The following GABRB3 variants were observed in gnomAD, a reference collection of about 807,000 sequenced individuals.
GABRB3 encodes gamma-aminobutyric acid type A receptor subunit beta3.
In GABRB3, 14 loss-of-function variants were observed where a neutral mutation model predicts 52.1. The observed-to-expected ratio is 0.27, with a 90% CI of 0.18 to 0.42. GABRB3 has a LOEUF of 0.42. Ranked by LOEUF, GABRB3 falls within the 10% of genes least tolerant of loss-of-function variation. GABRB3 has a pLI of 1.00. For synonymous variants in GABRB3, 260 were observed against 232.3 expected, an observed-to-expected ratio of 1.12 and a Z score of -1.08; for missense variants, 307 against 609.1, an observed-to-expected ratio of 0.50 and a Z score of 5.22.
intron 4 of GABRB3, among the ~76,000 whole-genome samples, chr15:26,616,463 A>G (rs1429694274): frequency 6.6e-6 from 1 of 152,204 alleles, no homozygotes; most frequent in Non-Finnish European, 1.5e-5. Flanking sequence ...GCTGCTAAAC[A>G]CATGAAGAAT....
At chr15:26,705,617 A>T (rs1003243576) in intron 3 of GABRB3, among the ~76,000 whole-genome samples, 2 of 152,178 alleles carry the variant, frequency 1.3e-5, no homozygotes, top group Admixed American at 6.6e-5. Context: ...AAAACAAACA[A>T]ACAAAAAACC....
chr15:26,553,667 ACT>A (rs1889567088), intron 8 of GABRB3: 1 of 152,072 alleles, frequency 6.6e-6, no homozygotes, highest in Non-Finnish European at 1.5e-5. Flanking sequence ...TGGAGAATGC[ACT>A]TCCACGAAGG....
At position 26,742,924 on chromosome 15, in the gene GABRB3, C is replaced by CTTTTT. The variant is rs779891729; in HGVS notation, c.240+29473_240+29477dup. ...ACCTTATCATTAGCCATTAGAGATT[C>CTTTTT]TTTTTTTTTTTTTTTTTTTTTTTGA... On this transcript the variant is annotated intron_variant, in intron 3 of 8. Transcript: ENST00000311550. 8.6e-4 allele frequency among the ~76,000 whole-genome samples: 42 copies of CTTTTT among 48,828 alleles called. 1 individual carries two copies. Among genetic ancestry groups the CTTTTT allele is most frequent in the African/African-American group, 2.0e-3 (35 of 17,444 alleles). The allele number at this position is 48,828 out of a possible 152,430, so 32.0% of individuals were successfully genotyped here.
chr15:26,772,304 CCCGGCCGAAGAGGCCT>C (rs2051578094), intron 3 of GABRB3, 82 bp downstream of exon 3: 14 of 1,099,342 alleles, frequency 1.3e-5, no homozygotes, highest in East Asian at 2.8e-5. Flanking sequence ...GAAACTCGGC[CCCGGCCGAAGAGGCCT>C]CCGGCCCAGC....
intron 3 of GABRB3, among the ~76,000 whole-genome samples, chr15:26,763,450 G>A (rs1367980430): frequency 1.3e-5 from 2 of 152,116 alleles, no homozygotes; most frequent in Non-Finnish European, 2.9e-5. Flanking sequence ...GGCAAGAACT[G>A]TGCTCTGTGG....
intron 3 of GABRB3, among the ~76,000 whole-genome samples, chr15:26,623,840 C>T (rs1379517924): frequency 6.6e-6 from 1 of 152,174 alleles, no homozygotes; most frequent in African/African-American, 2.4e-5. Context: ...CCTCCCTCTG[C>T]TGCCTGACCC....
chr15:26,565,574 T>C (rs1351256116), intron 7 of GABRB3, among the ~76,000 whole-genome samples: 1 of 152,144 alleles, frequency 6.6e-6, no homozygotes, highest in African/African-American at 2.4e-5. Context: ...AATAATGCTG[T>C]CATGAAGAAA....
chr15:26,697,717 T>C (rs1888787630), intron 3 of GABRB3, among the ~76,000 whole-genome samples: 1 of 152,068 alleles, frequency 6.6e-6, no homozygotes, highest in Admixed American at 6.5e-5. Flanking sequence ...CAATATCTCT[T>C]TATATCCCCC....
At chr15:26,771,643 C>T (rs1891146916) in intron 3 of GABRB3, among the ~76,000 whole-genome samples, 1 of 152,208 alleles carries the variant, frequency 6.6e-6, no homozygotes, top group South Asian at 2.1e-4. Context: ...TGGCAAAAGC[C>T]CGCTTCGCAC....
chr15:26,640,971 C>T (rs1386882420), intron 3 of GABRB3, among the ~76,000 whole-genome samples: 1 of 152,172 alleles, frequency 6.6e-6, no homozygotes, highest in African/African-American at 2.4e-5. Flanking sequence ...TTACGTTCAC[C>T]TTTAAAACTG....
intron 4 of GABRB3, among the ~76,000 whole-genome samples, chr15:26,610,615 A>C (rs1472397209): frequency 1.3e-5 from 2 of 152,112 alleles, no homozygotes; most frequent in African/African-American, 2.4e-5. Flanking sequence ...GTTAAATGGG[A>C]AAGTGGGATG....
intron 7 of GABRB3, among the ~76,000 whole-genome samples, chr15:26,562,039 T>C (rs1400671904): frequency 1.3e-5 from 2 of 152,164 alleles, no homozygotes; most frequent in Non-Finnish European, 2.9e-5. Context: ...TCTAAAACCA[T>C]GTGTGGACCA....
intron 3 of GABRB3, among the ~76,000 whole-genome samples, chr15:26,753,280 C>A: frequency 6.6e-6 from 1 of 152,156 alleles, no homozygotes; most frequent in East Asian, 1.9e-4. Context: ...GCTACCTACG[C>A]TGGGTGTGGC....
intron 4 of GABRB3, among the ~76,000 whole-genome samples, chr15:26,595,070 A>T (rs2140767308): frequency 6.6e-6 from 1 of 152,206 alleles, no homozygotes; most frequent in South Asian, 2.1e-4. Flanking sequence ...CTTTTGCATG[A>T]CCTAATTTCT....
At chr15:26,662,596 G>A (rs1887584755) in intron 3 of GABRB3, among the ~76,000 whole-genome samples, 1 of 152,172 alleles carries the variant, frequency 6.6e-6, no homozygotes, top group Admixed American at 6.5e-5. Context: ...AGATGAACAG[G>A]GAGAGCTTTG....
At chr15:26,731,616 G>A (rs1889916602) in intron 3 of GABRB3, among the ~76,000 whole-genome samples, 1 of 152,090 alleles carries the variant, frequency 6.6e-6, no homozygotes, top group African/African-American at 2.4e-5. Context: ...GAGTTTATAA[G>A]ATAATGGCCT....
At position 26,624,212 on chromosome 15, in the gene GABRB3, C is replaced by T. The variant is rs146644941; in HGVS notation, c.241-2678G>A. 1.6e-4 allele frequency: 155 copies of T among 985,594 alleles called. No homozygotes were observed. In the African/African-American group the frequency reaches 2.0e-3, roughly 13 times the overall value. 61.1% of individuals were successfully genotyped at this position (985,594 alleles called of 1,614,324 possible). A position where few individuals can be genotyped will look rare whatever the true frequency, so the allele number is the denominator to read the frequency against. Reference sequence around the variant, plus strand: ...CCGCCCCTTCATCACCATTACCTTTCGCTGGTGTGGGCGGTGCGCTGGAAC... The same window carrying T: ...CCGCCCCTTCATCACCATTACCTTTTGCTGGTGTGGGCGGTGCGCTGGAAC... On this transcript the variant is annotated intron_variant, in intron 3 of 8. Coordinates refer to ENST00000311550, the MANE Select transcript of GABRB3 (RefSeq NM_000814.6).
chr15:26,562,566 G>A (rs1381745476), intron 7 of GABRB3, among the ~76,000 whole-genome samples: 1 of 152,200 alleles, frequency 6.6e-6, no homozygotes, highest in Non-Finnish European at 1.5e-5. Context: ...AGGCCATTCT[G>A]CACATGGTCC....
chr15:26,548,988 G>T (rs1889360026), intron 8 of GABRB3, among the ~76,000 whole-genome samples: 1 of 152,092 alleles, frequency 6.6e-6, no homozygotes, highest in Admixed American at 6.5e-5. Flanking sequence ...CCATTCCACA[G>T]TCCCCTGGGC....
Sources: allele counts gnomAD v4.1 joint callset (sites outside exome capture counted in the v4.1 genomes callset), GRCh38; gene constraint gnomAD v4.1.1; transcripts MANE v1.5; gene names NCBI Gene and HGNC (gene_info 2026-07-23, HGNC 2026-07-21).